Variants in FNBP1L observed in about 807,000 individuals in gnomAD.
The protein encoded by FNBP1L is formin-binding protein 1-like.
A neutral mutation model predicts 91.2 loss-of-function variants in FNBP1L; 36 were observed. The ratio of observed to expected loss-of-function variants is 0.39; its 90% CI spans 0.30 to 0.52. The LOEUF is 0.52. Ranked by LOEUF, FNBP1L falls within the 20% of genes least tolerant of loss-of-function variation. The pLI is 0.66. For synonymous variants in FNBP1L, 242 were observed against 237.0 expected, an observed-to-expected ratio of 1.02 and a Z score of -0.19; for missense variants, 571 against 732.1, an observed-to-expected ratio of 0.78 and a Z score of 2.54.
chr1:93,504,406 C>T (rs1303985564), intron 2 of FNBP1L, among the ~76,000 whole-genome samples: 2 of 152,132 alleles, frequency 1.3e-5, no homozygotes, highest in Admixed American at 6.5e-5. Context: ...TTTCACCTCC[C>T]GCCATGAGTC....
intron 1 of FNBP1L, among the ~76,000 whole-genome samples, chr1:93,489,256 G>A (rs1670017880): frequency 6.6e-6 from 1 of 151,996 alleles, no homozygotes; most frequent in Non-Finnish European, 1.5e-5. Context: ...GGGAATCCAA[G>A]CTGTATAAAG....
At chr1:93,511,175 G>C (rs1371523808) in intron 2 of FNBP1L, among the ~76,000 whole-genome samples, 1 of 152,188 alleles carries the variant, frequency 6.6e-6, no homozygotes, top group African/African-American at 2.4e-5. Context: ...AAGTTGAAAT[G>C]AAGGAAAAAA....
rs1171083077 is a variant in FNBP1L at position 93,463,775 on chromosome 1, G to A, written c.24+15470G>A. ...CTTTGCATTTGGTTTTAGGCTCTTC[G>A]TTTCCAGAGTTACTTACATCACCTT... On this transcript the variant is annotated intron_variant, in intron 1 of 16. Transcript: ENST00000271234. 7.9e-5 allele frequency among the ~76,000 whole-genome samples: 12 copies of A among 152,268 alleles called. No individual in the cohort carries two copies. The East Asian group carries it at 1.2e-3, about 15-fold the overall frequency.
At chr1:93,476,247 G>C (rs1286982593) in intron 1 of FNBP1L, among the ~76,000 whole-genome samples, 1 of 152,166 alleles carries the variant, frequency 6.6e-6, no homozygotes, top group Non-Finnish European at 1.5e-5. Context: ...AAACTCTTAA[G>C]TGTAGAATCT....
intron 13 of FNBP1L, 23 bp from the exon 14 acceptor site, chr1:93,547,323 TG>T: frequency 6.6e-7 from 1 of 1,520,950 alleles, no homozygotes; most frequent in Non-Finnish European, 8.9e-7. Context: ...TGAGCTCAGT[TG>T]TTTGCTTATT....
At chr1:93,520,895 A>G (rs1671297114) in intron 2 of FNBP1L, among the ~76,000 whole-genome samples, 1 of 152,140 alleles carries the variant, frequency 6.6e-6, no homozygotes, top group Non-Finnish European at 1.5e-5. Flanking sequence ...TACAAAAATC[A>G]GCTGGGTGTG....
chr1:93,523,612 CTA>C (rs1408112288), intron 4 of FNBP1L, 121 bp downstream of exon 4: 12 of 964,350 alleles, frequency 1.2e-5, no homozygotes, highest in Non-Finnish European at 1.8e-5. Context: ...TACATTTCTT[CTA>C]GCTAAAAATT....
chr1:93,513,043 G>C (rs1379410896), intron 2 of FNBP1L, among the ~76,000 whole-genome samples: 4 of 151,958 alleles, frequency 2.6e-5, no homozygotes, highest in Non-Finnish European at 5.9e-5. Flanking sequence ...AATAAAAAAA[G>C]AGAGAAGAAT....
intron 1 of FNBP1L, among the ~76,000 whole-genome samples, chr1:93,457,800 A>ATT (rs1668718577): frequency 6.0e-5 from 9 of 148,910 alleles, no homozygotes; most frequent in African/African-American, 1.3e-4. Flanking sequence ...TATTATTATT[A>ATT]ATTTTTTTTG....
At chr1:93,503,171 C>G (rs141560701) in intron 2 of FNBP1L, among the ~76,000 whole-genome samples, 164 of 152,152 alleles carry the variant, frequency 1.1e-3, no homozygotes, top group African/African-American at 3.8e-3. Flanking sequence ...TTAATTGACT[C>G]ACAGTTCAGC....
At chr1:93,483,270 TA>T (rs1298766866) in intron 1 of FNBP1L, among the ~76,000 whole-genome samples, 1 of 150,524 alleles carries the variant, frequency 6.6e-6, no homozygotes, top group African/African-American at 2.4e-5. Context: ...CGATGTTGAA[TA>T]AAGAATTATA....
intron 1 of FNBP1L, among the ~76,000 whole-genome samples, chr1:93,488,098 G>A (rs1426441992): frequency 6.6e-6 from 1 of 152,110 alleles, no homozygotes; most frequent in Non-Finnish European, 1.5e-5. Flanking sequence ...TACAACCCAT[G>A]CTCAAAATAT....
At chr1:93,458,229 G>C (rs562772508) in intron 1 of FNBP1L, among the ~76,000 whole-genome samples, 13 of 152,070 alleles carry the variant, frequency 8.5e-5, no homozygotes, top group Non-Finnish European at 1.5e-4. Flanking sequence ...TCTTCTCTTA[G>C]TTCTTTTTAT....
At chr1:93,524,667 T>G (rs1459810173) in intron 5 of FNBP1L, among the ~76,000 whole-genome samples, 1 of 151,434 alleles carries the variant, frequency 6.6e-6, no homozygotes, top group East Asian at 1.9e-4. Context: ...GAGATATATC[T>G]TAGAAGACTA....
intron 1 of FNBP1L, among the ~76,000 whole-genome samples, chr1:93,479,489 C>T (rs1260744791): frequency 6.6e-6 from 1 of 152,090 alleles, no homozygotes; most frequent in Non-Finnish European, 1.5e-5. Context: ...TTTCCCCACT[C>T]TAGTGAGCCT....
At chr1:93,544,315 C>T (rs1462617331) in intron 12 of FNBP1L, 99 bp downstream of exon 12, 4 of 654,396 alleles carry the variant, frequency 6.1e-6, no homozygotes, top group Non-Finnish European at 9.4e-6. Context: ...AATCATATAT[C>T]CTAATTGAAA....
In FNBP1L at chr1:93,553,616, G is replaced by A. The variant is rs927600642; in HGVS notation, c.*1200G>A. ...AATTACAATGATAGTCTCTTTCCAC[G>A]TGATGCTTTTGTTTGAACCTGATAA... On this transcript the variant is annotated 3_prime_UTR_variant, in exon 17 of 17. Transcript: ENST00000271234. 1 of 152,618 alleles carries A rather than the reference G, an allele frequency of 6.6e-6. No individual in the cohort carries two copies. The highest frequency in any genetic ancestry group is 2.4e-5 in the African/African-American group (1 of 41,446). The allele number at this position is 152,618 out of a possible 1,614,324, so 9.5% of individuals were successfully genotyped here.
chr1:93,545,308 T>C (rs931259403), intron 12 of FNBP1L, among the ~76,000 whole-genome samples: 1 of 152,096 alleles, frequency 6.6e-6, no homozygotes, highest in African/African-American at 2.4e-5. Flanking sequence ...GTCCAGAATA[T>C]GAGAATACGA....
chr1:93,510,713 T>C (rs1477489899), intron 2 of FNBP1L, among the ~76,000 whole-genome samples: 5 of 151,842 alleles, frequency 3.3e-5, no homozygotes, highest in Admixed American at 2.0e-4. Context: ...TTGAAAAAAA[T>C]TTAGAAGAAT....
Sources: allele counts gnomAD v4.1 joint callset (sites outside exome capture counted in the v4.1 genomes callset), GRCh38; gene constraint gnomAD v4.1.1; transcripts MANE v1.5; gene names NCBI Gene and HGNC (gene_info 2026-07-23, HGNC 2026-07-21).